Variants in UTS2 observed in about 807,000 individuals in gnomAD.
UTS2 encodes urotensin-2.
In UTS2, 10 loss-of-function variants were observed where a neutral mutation model predicts 12.6. The ratio of observed to expected loss-of-function variants is 0.80; its 90% CI spans 0.49 to 1.35. The LOEUF (loss-of-function observed/expected upper bound fraction) is 1.35. Ranked by LOEUF, UTS2 falls within the 40% of genes most tolerant of loss-of-function variation. UTS2 has a pLI of 0.00. For synonymous variants in UTS2, 52 were observed against 50.0 expected (o/e 1.04, Z -0.17); for missense variants, 142 against 143.2 (o/e 0.99, Z 0.04).
the UTS2 span, among the ~76,000 whole-genome samples, chr1:7,899,704 G>C: frequency 6.6e-6 from 1 of 152,120 alleles, no homozygotes; most frequent in Non-Finnish European, 1.5e-5. Context: ...GTTAGATTTT[G>C]TTTGTGAACT....
chr1:7,863,982 G>T, the UTS2 span, among the ~76,000 whole-genome samples: 1 of 152,204 alleles, frequency 6.6e-6, no homozygotes, highest in African/African-American at 2.4e-5. Flanking sequence ...CTGCCCGGGA[G>T]AATTCACAAG....
chr1:7,849,272 T>C (rs2097411392), intron 3 of UTS2, among the ~76,000 whole-genome samples: 1 of 152,122 alleles, frequency 6.6e-6, no homozygotes, highest in Admixed American at 6.5e-5. Context: ...TGGAGTGCAG[T>C]GGCGCGATCT....
chr1:7,889,556 G>A, the UTS2 span, among the ~76,000 whole-genome samples: 1 of 152,118 alleles, frequency 6.6e-6, no homozygotes, highest in Non-Finnish European at 1.5e-5. Context: ...TGTAATCCCA[G>A]CACTTTGGGA....
the UTS2 span, among the ~76,000 whole-genome samples, chr1:7,874,318 A>G: frequency 1.3e-5 from 2 of 152,256 alleles, no homozygotes; most frequent in Middle Eastern, 6.8e-3. Flanking sequence ...GGATTTTATG[A>G]TGGGTCCTAC....
intron 3 of UTS2, among the ~76,000 whole-genome samples, chr1:7,848,332 G>A (rs191151623): frequency 0.014 from 2,137 of 151,918 alleles, 28 homozygotes; most frequent in South Asian, 0.047. Flanking sequence ...CCAGCTACTC[G>A]GGAGGCTGAG....
At chr1:7,909,342 C>T in the UTS2 span, among the ~76,000 whole-genome samples, 1 of 151,900 alleles carries the variant, frequency 6.6e-6, no homozygotes, top group East Asian at 2.0e-4. Context: ...CTCGGAAGTT[C>T]GAGACCAGCC....
chr1:7,875,091 T>C, the UTS2 span, among the ~76,000 whole-genome samples: 3 of 152,066 alleles, frequency 2.0e-5, no homozygotes, highest in African/African-American at 7.2e-5. Context: ...TTTTCTTTTT[T>C]TAAGACAGAG....
the UTS2 span, among the ~76,000 whole-genome samples, chr1:7,882,514 A>G: frequency 6.6e-6 from 1 of 152,228 alleles, no homozygotes; most frequent in Non-Finnish European, 1.5e-5. Context: ...GGCAGATTTT[A>G]TGGCTAAGAC....
At chr1:7,903,750 C>T in the UTS2 span, among the ~76,000 whole-genome samples, 2 of 152,218 alleles carry the variant, frequency 1.3e-5, no homozygotes, top group Middle Eastern at 3.4e-3. Flanking sequence ...GGAGTAGAAG[C>T]TTGCACAGGA....
At chr1:7,889,094 A>G in the UTS2 span, among the ~76,000 whole-genome samples, 1 of 151,878 alleles carries the variant, frequency 6.6e-6, no homozygotes, top group Non-Finnish European at 1.5e-5. Flanking sequence ...TGAAAAAAAA[A>G]AAAAGGCCCA....
chr1:7,880,278 A>C, the UTS2 span, among the ~76,000 whole-genome samples: 1 of 152,102 alleles, frequency 6.6e-6, no homozygotes, highest in African/African-American at 2.4e-5. Flanking sequence ...AATAAAATAA[A>C]AATTTAAAAG....
chr1:7,854,200 C>G (rs953703661), upstream of UTS2, among the ~76,000 whole-genome samples: 1 of 151,956 alleles, frequency 6.6e-6, no homozygotes, highest in Non-Finnish European at 1.5e-5. Flanking sequence ...AAAAATTAGC[C>G]AGGCATGGTG....
chr1:7,849,702 G>A lies in UTS2; in HGVS notation c.215-19C>T. 1 of 1,604,382 alleles carries A rather than the reference G, an allele frequency of 6.2e-7. No individual in the cohort carries two copies. Among genetic ancestry groups the A allele is most frequent in the Non-Finnish European group, 8.5e-7 (1 of 1,176,712 alleles). The stretch of plus-strand genomic sequence containing the variant: ...CTTGAGTCTGAAAAACAGTTTTGAA[G>A]CCAGTTCATCAGATCTGTTGTTTCT... On this transcript the variant is annotated intron_variant, in intron 2 of 3. Transcript: ENST00000361696.
the UTS2 span, among the ~76,000 whole-genome samples, chr1:7,866,523 C>T: frequency 1.3e-5 from 2 of 152,194 alleles, no homozygotes; most frequent in African/African-American, 2.4e-5. The surrounding 1 kb of genome is among the most constrained non-coding windows in gnomAD (Gnocchi z 4.5). Context: ...GCGCCACCCA[C>T]ACCCATCCTA....
At chr1:7,893,695 G>A in the UTS2 span, among the ~76,000 whole-genome samples, 12 of 152,122 alleles carry the variant, frequency 7.9e-5, no homozygotes, top group African/African-American at 2.2e-4. Flanking sequence ...CTGGTTTTAC[G>A]CTGCTCCTGG....
the UTS2 span, among the ~76,000 whole-genome samples, chr1:7,861,019 G>T: frequency 1.4e-5 from 2 of 147,074 alleles, no homozygotes; most frequent in African/African-American, 2.5e-5. Flanking sequence ...TCTAGCCTGG[G>T]TGACAGAGCA....
chr1:7,910,033 G>A, the UTS2 span, among the ~76,000 whole-genome samples: 44 of 152,130 alleles, frequency 2.9e-4, no homozygotes, highest in South Asian at 1.7e-3. Context: ...AAGTAACAGC[G>A]TGTTGTTTAA....
upstream of UTS2, among the ~76,000 whole-genome samples, chr1:7,858,224 C>T (rs1638352864): frequency 6.6e-6 from 1 of 152,232 alleles, no homozygotes; most frequent in Admixed American, 6.5e-5. Context: ...GACAGTGTCA[C>T]CTTGTCCCAG....
chr1:7,888,673 C>T, the UTS2 span, among the ~76,000 whole-genome samples: 1 of 152,190 alleles, frequency 6.6e-6, no homozygotes. Context: ...CTTCGTCAGA[C>T]CACACGACAA....
Sources: gnomAD v4.1 joint callset for allele counts (sites outside exome capture counted in the v4.1 genomes callset) on GRCh38, gnomAD v4.1.1 for gene constraint, Gnocchi (gnomAD v3.1) non-coding constraint, MANE v1.5 for transcripts, NCBI Gene and HGNC (gene_info 2026-07-23, HGNC 2026-07-21) for gene names.